GNG7: variants seen among roughly 807,000 people sequenced by gnomAD.
GNG7 encodes the protein guanine nucleotide-binding protein G(I)/G(S)/G(O) subunit gamma-7.
Under a neutral mutation model 4.0 loss-of-function variants are expected in GNG7, and 1 was observed. The ratio of observed to expected loss-of-function variants is 0.25; its 90% confidence interval spans 0.09 to 1.18. GNG7 has a LOEUF of 1.18. GNG7 is among the 50% of genes most tolerant of loss of function. GNG7 has a pLI of 0.50. For missense variants in GNG7, 86 were observed against 91.9 expected (o/e 0.94, Z 0.26); for synonymous variants, 34 against 36.9 (o/e 0.92, Z 0.29).
chr19:2,686,138 C>T (rs999875318), intron 1 of GNG7, among the ~76,000 whole-genome samples: 2 of 151,554 alleles, frequency 1.3e-5, no homozygotes, highest in East Asian at 2.0e-4. Flanking sequence ...GTTTCCCAGC[C>T]GTGTGTGGTC....
At chr19:2,586,496 C>T (rs1030390851) in intron 2 of GNG7, among the ~76,000 whole-genome samples, 2 of 152,154 alleles carry the variant, frequency 1.3e-5, no homozygotes, top group Non-Finnish European at 2.9e-5. Context: ...ACCTCGGTCC[C>T]CCAAGAGCTC....
intron 1 of GNG7, among the ~76,000 whole-genome samples, chr19:2,658,538 A>G (rs1599446738): frequency 6.6e-6 from 1 of 152,144 alleles, no homozygotes; most frequent in Non-Finnish European, 1.5e-5. Flanking sequence ...AGATGAATGG[A>G]TAAACACAAT....
chr19:2,554,895 CA>C (rs1979499426), intron 3 of GNG7, among the ~76,000 whole-genome samples: 1 of 152,140 alleles, frequency 6.6e-6, no homozygotes, highest in African/African-American at 2.4e-5. Flanking sequence ...TTAATCTTTG[CA>C]ACCTTCCTGC....
chr19:2,520,354 G>A (rs114492803), intron 4 of GNG7, among the ~76,000 whole-genome samples: 4,263 of 152,290 alleles, frequency 0.028, 138 homozygotes, highest in Admixed American at 0.071. Context: ...CACGATGACC[G>A]TCTCCACGGG....
intron 1 of GNG7, among the ~76,000 whole-genome samples, chr19:2,673,263 A>AC (rs1403273978): frequency 1.9e-4 from 28 of 145,836 alleles, no homozygotes; most frequent in African/African-American, 7.1e-4. Context: ...ATCTCAAAAA[A>AC]AAAACAAAAC....
chr19:2,699,645 C>T (rs574117427), intron 1 of GNG7, among the ~76,000 whole-genome samples: 1 of 152,310 alleles, frequency 6.6e-6, no homozygotes, highest in African/African-American at 2.4e-5. Flanking sequence ...ACTGGAGTAT[C>T]TCTGTCCCTA....
intron 2 of GNG7, among the ~76,000 whole-genome samples, chr19:2,585,198 C>G (rs1166589027): frequency 2.6e-5 from 4 of 152,000 alleles, no homozygotes; most frequent in African/African-American, 7.3e-5. Flanking sequence ...CATGATGTCT[C>G]CAACTTAATT....
chr19:2,550,958 C>T (rs1310142159), intron 3 of GNG7, among the ~76,000 whole-genome samples: 8 of 152,128 alleles, frequency 5.3e-5, no homozygotes, highest in South Asian at 2.1e-4. Context: ...AGCCAGGGCC[C>T]GACGAGAGCT....
At chr19:2,597,370 GCGGA>G (rs1317508623) in intron 2 of GNG7, among the ~76,000 whole-genome samples, 10 of 152,196 alleles carry the variant, frequency 6.6e-5, no homozygotes, top group Non-Finnish European at 7.3e-5. Context: ...GCCGAGGCAG[GCGGA>G]TCACCTAAGG....
At chr19:2,690,328 C>T (rs1913108845) in intron 1 of GNG7, among the ~76,000 whole-genome samples, 1 of 151,964 alleles carries the variant, frequency 6.6e-6, no homozygotes, top group Admixed American at 6.6e-5. Flanking sequence ...TTGCAGTGAG[C>T]CGAGATCACA....
chr19:2,696,324 A>T (rs1913254391), intron 1 of GNG7, among the ~76,000 whole-genome samples: 1 of 147,628 alleles, frequency 6.8e-6, no homozygotes, highest in Non-Finnish European at 1.5e-5. Context: ...GAAAGAAAGA[A>T]AGAAAGAAAG....
intron 2 of GNG7, among the ~76,000 whole-genome samples, chr19:2,580,240 A>G (rs955801404): frequency 1.3e-5 from 2 of 150,854 alleles, no homozygotes; most frequent in African/African-American, 4.9e-5. Flanking sequence ...CTCTCTGTCT[A>G]AGGGGCAGGG....
chr19:2,701,029 T>C (rs58518909), intron 1 of GNG7: 10,458 of 151,990 alleles, frequency 0.069, 646 homozygotes, highest in African/African-American at 0.17. Context: ...CGTCGCTCAA[T>C]AGCACCGTCC....
At chr19:2,624,592 T>G (rs188106410) in intron 2 of GNG7, among the ~76,000 whole-genome samples, 3 of 151,112 alleles carry the variant, frequency 2.0e-5, no homozygotes, top group African/African-American at 7.3e-5. Flanking sequence ...CTCCAGTGGC[T>G]CTCAGGCAGA....
intron 3 of GNG7, among the ~76,000 whole-genome samples, chr19:2,551,466 C>T (rs1457530723): frequency 4.0e-5 from 6 of 151,088 alleles, no homozygotes; most frequent in South Asian, 4.2e-4. Flanking sequence ...ATCTAGGGAA[C>T]GCCAAAAAGC....
intron 1 of GNG7, among the ~76,000 whole-genome samples, chr19:2,669,573 A>T (rs1983398584): frequency 1.3e-5 from 2 of 152,256 alleles, no homozygotes; most frequent in South Asian, 4.1e-4. Flanking sequence ...GCTTTCGTCA[A>T]TAAGTTTTGT....
At chr19:2,540,260 C>T (rs1052749903) in intron 3 of GNG7, among the ~76,000 whole-genome samples, 3 of 152,054 alleles carry the variant, frequency 2.0e-5, no homozygotes. Context: ...AAGCCGTTCT[C>T]CTGCCCCAGC....
At chr19:2,661,292 AAG>A (rs1479449694) in intron 1 of GNG7, among the ~76,000 whole-genome samples, 9 of 37,830 alleles carry the variant, frequency 2.4e-4, no homozygotes, top group Admixed American at 1.6e-3. Flanking sequence ...GAAAGAAAGA[AAG>A]AAAGAAAGAG....
chr19:2,568,707 GAC>G (rs1470220636), intron 2 of GNG7, among the ~76,000 whole-genome samples: 13 of 142,922 alleles, frequency 9.1e-5, no homozygotes, highest in African/African-American at 1.3e-4. Context: ...ATAAAATATA[GAC>G]ACACATATAC....
Sources: allele counts gnomAD v4.1 joint callset (sites outside exome capture counted in the v4.1 genomes callset), GRCh38; gene constraint gnomAD v4.1.1; transcripts MANE v1.5; gene names NCBI Gene and HGNC (gene_info 2026-07-23, HGNC 2026-07-21).